The following TRAK2 variants were observed in gnomAD, a reference collection of about 807,000 sequenced individuals.
The protein encoded by TRAK2 is trafficking kinesin-binding protein 2.
In TRAK2, 81 loss-of-function variants were observed where a neutral mutation model predicts 104.6. The ratio of observed to expected loss-of-function variants is 0.77; its 90% confidence interval spans 0.65 to 0.93. The LOEUF (loss-of-function observed/expected upper bound fraction) is 0.93, where lower values mean the gene tolerates loss of function less well. Ranked by LOEUF, TRAK2 falls within the 40% of genes least tolerant of loss-of-function variation. TRAK2 has a pLI of 0.00. For synonymous variants in TRAK2, 406 were observed against 394.4 expected (o/e 1.03, Z -0.35); for missense variants, 1,002 against 1,089.0 (o/e 0.92, Z 1.12).
chr2:201,377,506 T>C lies in TRAK2; in HGVS notation c.*3037A>G, dbSNP rs1352741604. On this transcript the variant is annotated 3_prime_UTR_variant, in exon 16 of 16. Coordinates refer to ENST00000332624, the MANE Select transcript of TRAK2 (RefSeq NM_015049.3). ...AGTTCTAGATGTCACAAGTTGATGTTAGTAACCACCAAGTACTAATTCTGT... is the reference window on the plus strand; with the variant it reads ...AGTTCTAGATGTCACAAGTTGATGTCAGTAACCACCAAGTACTAATTCTGT... The C allele has an allele frequency of 1.3e-5, 2 of 152,324 alleles. No homozygotes were observed. Among genetic ancestry groups the C allele is most frequent in the African/African-American group, 4.8e-5 (2 of 41,460 alleles). 9.4% of individuals were successfully genotyped at this position (152,324 alleles called of 1,614,324 possible).
intron 1 of TRAK2, among the ~76,000 whole-genome samples, chr2:201,426,132 T>C (rs1184352841): frequency 6.6e-6 from 1 of 152,176 alleles, no homozygotes; most frequent in African/African-American, 2.4e-5. Flanking sequence ...CCAGGCTGCA[T>C]AGCAGGAGGT....
At chr2:201,407,279 T>C in intron 3 of TRAK2, 124 bp downstream of exon 3, 1 of 788,192 alleles carries the variant, frequency 1.3e-6, no homozygotes, top group Non-Finnish European at 2.0e-6. Flanking sequence ...GTGAAATCAG[T>C]TCAAATAAAA....
chr2:201,446,123 A>G (rs894902598), intron 1 of TRAK2, among the ~76,000 whole-genome samples: 1 of 152,008 alleles, frequency 6.6e-6, no homozygotes, highest in African/African-American at 2.4e-5. Context: ...GAAACCTTAC[A>G]ACTTCTCTTG....
chr2:201,395,476 T>C (rs1951494127), intron 7 of TRAK2, 32 bp from the exon 8 acceptor site: 2 of 1,487,128 alleles, frequency 1.3e-6, no homozygotes, highest in Non-Finnish European at 1.8e-6. Flanking sequence ...TTTAAATTAA[T>C]ACAAATGTAG....
chr2:201,419,743 CT>C (rs1951724418), intron 2 of TRAK2, among the ~76,000 whole-genome samples: 1 of 152,050 alleles, frequency 6.6e-6, no homozygotes, highest in African/African-American at 2.4e-5. Context: ...TTAAAACAAA[CT>C]TTGGGTTTTG....
chr2:201,394,332 TTATTC>T (rs1340047590), intron 9 of TRAK2, among the ~76,000 whole-genome samples: 3 of 132,088 alleles, frequency 2.3e-5, no homozygotes, highest in Non-Finnish European at 4.7e-5. Context: ...TTAAAATGCT[TTATTC>T]TTTTTCTTTC....
intron 1 of TRAK2, among the ~76,000 whole-genome samples, chr2:201,449,769 C>T (rs920925307): frequency 2.6e-5 from 4 of 151,848 alleles, no homozygotes; most frequent in Admixed American, 1.3e-4. Flanking sequence ...CCTTAGCCTC[C>T]GAGTAGCTGG....
chr2:201,413,044 G>C (rs1951661812), intron 2 of TRAK2: 1 of 789,448 alleles, frequency 1.3e-6, no homozygotes, highest in Non-Finnish European at 2.3e-6. Flanking sequence ...TTAAGTGTTG[G>C]ACTCCTCATT....
chr2:201,407,749 T>C (rs1331172402), intron 2 of TRAK2, 152 bp from the exon 3 acceptor site: 2 of 498,428 alleles, frequency 4.0e-6, no homozygotes, highest in African/African-American at 2.5e-5. Context: ...TAGTATATCC[T>C]AGTAGTATAG....
At position 201,380,671 on chromosome 2, in the gene TRAK2, A is replaced by T; in HGVS notation, c.2617T>A (p.Tyr873Asn). ...IGPQKPDSAV[Y>N]LNSGSSLLGG... The stretch of plus-strand genomic sequence containing the variant: ...AATAAACTGCTACCTGAATTTAAAT[A>T]AACAGCAGAATCTGGTTTTTGAGGA... Residue 873 changes from tyrosine (Y) to asparagine (N), a missense_variant, in exon 16 of 16, where the codon TAT (tyrosine) becomes AAT (asparagine). Transcript: ENST00000332624. 6.2e-7 allele frequency: 1 copy of T among 1,614,096 alleles called. No individual in the cohort carries two copies. The highest frequency in any genetic ancestry group is 8.5e-7 in the Non-Finnish European group (1 of 1,179,988).
At position 201,399,401 on chromosome 2, in the gene TRAK2, C is replaced by T. The variant is rs369163139; in HGVS notation, c.456G>A (p.Glu152=). Reference sequence around the variant, plus strand: ...CTTGATCAAAGGCTTGTCCCAATTGCTCCTCCAGGGATTCGTTCTGCTCAG... The same window carrying T: ...CTTGATCAAAGGCTTGTCCCAATTGTTCCTCCAGGGATTCGTTCTGCTCAG... ...VLSEQNESLE[E]QLGQAFDQVN... Residue 152 remains glutamate, a synonymous_variant, in exon 5 of 16, where the codon GAG becomes GAA. Coordinates refer to ENST00000332624, the MANE Select transcript of TRAK2 (RefSeq NM_015049.3). The T allele has an allele frequency of 2.2e-4, 360 of 1,611,260 alleles. No individual in the cohort carries two copies. Among genetic ancestry groups the T allele is most frequent in the Non-Finnish European group, 3.0e-4 (353 of 1,177,976 alleles).
At chr2:201,394,931 T>G (rs1191523972) in intron 8 of TRAK2, 59 bp from the exon 9 acceptor site, 10 of 1,391,902 alleles carry the variant, frequency 7.2e-6, no homozygotes, top group Non-Finnish European at 8.0e-6. Context: ...AGCTATTCTC[T>G]TTCTTATAAA....
At chr2:201,412,016 A>G in intron 2 of TRAK2, 1 of 1,020,788 alleles carries the variant, frequency 9.8e-7, no homozygotes, top group Non-Finnish European at 1.6e-6. Context: ...TTTGGTTAGT[A>G]GCAAATCCAT....
intron 3 of TRAK2, among the ~76,000 whole-genome samples, chr2:201,403,413 G>GA (rs1951565994): frequency 6.6e-6 from 1 of 152,106 alleles, no homozygotes; most frequent in South Asian, 2.1e-4. Context: ...AAGGTCATTA[G>GA]AAAAAACTCA....
intron 1 of TRAK2, among the ~76,000 whole-genome samples, chr2:201,434,147 C>T (rs917956258): frequency 2.0e-5 from 3 of 152,084 alleles, no homozygotes; most frequent in South Asian, 2.1e-4. Flanking sequence ...TTAGTAGAGA[C>T]GGGGTTTCAC....
At chr2:201,433,459 C>T (rs967163184) in intron 1 of TRAK2, 1 of 152,218 alleles carries the variant, frequency 6.6e-6, no homozygotes, top group African/African-American at 2.4e-5. Context: ...GGTCGCTCTA[C>T]TTACAAACAG....
intron 13 of TRAK2, among the ~76,000 whole-genome samples, chr2:201,386,904 T>C (rs557133688): frequency 6.6e-6 from 1 of 152,156 alleles, no homozygotes; most frequent in African/African-American, 2.4e-5. Flanking sequence ...AATAGGAAAA[T>C]GAAGAAGATA....
At chr2:201,411,057 G>C (rs1238627708) in intron 2 of TRAK2, 1 of 1,214,248 alleles carries the variant, frequency 8.2e-7, no homozygotes, top group Non-Finnish European at 1.2e-6. Flanking sequence ...AACTGGTGTA[G>C]AAAACATCAT....
chr2:201,412,781 T>G (rs1576522275), intron 2 of TRAK2: 1 of 1,181,806 alleles, frequency 8.5e-7, no homozygotes, highest in African/African-American at 1.5e-5. Context: ...GGAGTAATAT[T>G]TCCATGTACC....
Sources: gnomAD v4.1 joint callset for allele counts (sites outside exome capture counted in the v4.1 genomes callset) on GRCh38, gnomAD v4.1.1 for gene constraint, MANE v1.5 for transcripts, NCBI Gene and HGNC (gene_info 2026-07-23, HGNC 2026-07-21) for gene names.